Variants in AFAP1L2 observed in about 807,000 individuals in gnomAD.
AFAP1L2 encodes the protein actin filament-associated protein 1-like 2.
Under a neutral mutation model 99.3 loss-of-function variants are expected in AFAP1L2, and 46 were observed. That is an observed-to-expected ratio of 0.46 (90% CI 0.37 to 0.59). AFAP1L2 has a LOEUF of 0.59. Ranked by LOEUF, AFAP1L2 falls within the 20% of genes least tolerant of loss-of-function variation. AFAP1L2 has a pLI of 0.00. For synonymous variants in AFAP1L2, 397 were observed against 419.1 expected (o/e 0.95, Z 0.64); for missense variants, 959 against 1,034.9 (o/e 0.93, Z 1.01).
chr10:114,371,457 G>A (rs559002827), intron 1 of AFAP1L2, among the ~76,000 whole-genome samples: 9 of 152,076 alleles, frequency 5.9e-5, no homozygotes, highest in East Asian at 5.8e-4. Context: ...TCAGTCCCCC[G>A]CGAAAAAAAG....
the AFAP1L2 span, chr10:114,289,634 T>C: frequency 1.6e-5 from 14 of 875,284 alleles, no homozygotes; most frequent in South Asian, 2.1e-4. Context: ...CTAAACCCCA[T>C]GCTCACATAA....
At chr10:114,404,630 C>A, upstream of AFAP1L2, 1 of 890,598 alleles carries the variant, frequency 1.1e-6, no homozygotes. Context: ...CAGGGCTCGC[C>A]CCCAGCGCCC....
chr10:114,306,592 T>A (rs985448653), intron 10 of AFAP1L2, among the ~76,000 whole-genome samples: 3 of 151,910 alleles, frequency 2.0e-5, no homozygotes, highest in South Asian at 2.1e-4. Context: ...CCAAGCCACA[T>A]TAACACAAAG....
At chr10:114,362,906 G>T in intron 1 of AFAP1L2, 2 of 957,732 alleles carry the variant, frequency 2.1e-6, no homozygotes, top group Non-Finnish European at 2.5e-6. Flanking sequence ...GCTGAAACAA[G>T]GCCCTCCATC....
At chr10:114,386,567 A>AGAGATGGTGCTAGAAGTTAGGAGAGGT (rs2056528290) in intron 1 of AFAP1L2, among the ~76,000 whole-genome samples, 1 of 152,226 alleles carries the variant, frequency 6.6e-6, no homozygotes, top group East Asian at 1.9e-4. Context: ...TTCCCCCGGC[A>AGAGATGGTGCTAGAAGTTAGGAGAGGT]GAGATGGTGC....
At chr10:114,341,971 G>A (rs1375801835) in intron 1 of AFAP1L2, among the ~76,000 whole-genome samples, 1 of 152,206 alleles carries the variant, frequency 6.6e-6, no homozygotes, top group African/African-American at 2.4e-5. Context: ...AGAACAGTAA[G>A]GAAAGGAAAA....
intron 1 of AFAP1L2, 122 bp downstream of exon 1, chr10:114,404,318 C>G: frequency 8.6e-7 from 1 of 1,166,688 alleles, no homozygotes; most frequent in Non-Finnish European, 1.2e-6. Context: ...CAGGTCCGGG[C>G]TGGGTGGGGG....
intron 1 of AFAP1L2, among the ~76,000 whole-genome samples, chr10:114,379,453 G>T (rs1303504240): frequency 1.3e-5 from 2 of 152,064 alleles, no homozygotes; most frequent in African/African-American, 4.8e-5. Context: ...ATTTTCCCAT[G>T]ATAAAAAATA....
chr10:114,311,302 G>A (rs966297528), intron 7 of AFAP1L2, among the ~76,000 whole-genome samples: 2 of 152,138 alleles, frequency 1.3e-5, no homozygotes, highest in African/African-American at 2.4e-5. Context: ...GAACTCCCAG[G>A]GCGACCAGAA....
At chr10:114,282,443 T>C in the AFAP1L2 span, 11 of 1,224,928 alleles carry the variant, frequency 9.0e-6, no homozygotes, top group Non-Finnish European at 1.3e-5. Context: ...TTTGGTGTTG[T>C]AAATCATCTT....
At chr10:114,355,374 A>G (rs2051201148) in intron 1 of AFAP1L2, among the ~76,000 whole-genome samples, 2 of 151,404 alleles carry the variant, frequency 1.3e-5, no homozygotes, top group South Asian at 4.2e-4. Flanking sequence ...CTGTGATTAT[A>G]GGCGTGAGCC....
chr10:114,340,672 G>C lies in AFAP1L2; in HGVS notation c.76C>G (p.Leu26Val). 1.2e-6 allele frequency: 2 copies of C among 1,614,212 alleles called. No individual in the cohort carries two copies. Among genetic ancestry groups the C allele is most frequent in the Non-Finnish European group, 1.7e-6 (2 of 1,180,040 alleles). ...TTCTTCACCAGTGCTGTGCTGCTCA[G>C]GTTCTCCTGGTCAAGAATCTTGAGG... is the stretch of plus-strand genomic sequence containing the variant. ...DFLKILDQEN[L>V]SSTALVKKSC... The change falls in exon 2 of 19, where the codon CTG (leucine) becomes GTG (valine). Residue 26 changes from leucine (L) to valine (V), a missense_variant. Coordinates refer to ENST00000304129, the MANE Select transcript of AFAP1L2 (RefSeq NM_001001936.3).
intron 1 of AFAP1L2, among the ~76,000 whole-genome samples, chr10:114,371,577 C>T (rs1434374490): frequency 6.6e-6 from 1 of 151,764 alleles, no homozygotes; most frequent in Non-Finnish European, 1.5e-5. Context: ...AACCAAACAC[C>T]GCATGTTCTC....
chr10:114,390,678 G>A (rs1039901304), intron 1 of AFAP1L2, among the ~76,000 whole-genome samples: 2 of 138,656 alleles, frequency 1.4e-5, no homozygotes, highest in African/African-American at 2.8e-5. Context: ...CCGAGATCAC[G>A]CCACTGTACT....
At chr10:114,404,340 G>T in intron 1 of AFAP1L2, 100 bp downstream of exon 1, 1 of 1,346,342 alleles carries the variant, frequency 7.4e-7, no homozygotes, top group Non-Finnish European at 1.0e-6. Flanking sequence ...AGTGGGCTCT[G>T]CTTATCCCGA....
At chr10:114,287,229 G>A in the AFAP1L2 span, among the ~76,000 whole-genome samples, 3 of 152,128 alleles carry the variant, frequency 2.0e-5, no homozygotes, top group Admixed American at 6.5e-5. Flanking sequence ...TACCCAGGCT[G>A]GAATGCAGTG....
rs552209753 is a variant in AFAP1L2, at chr10:114,300,179, C to G, written c.1957+15G>C. Reference sequence around the variant, plus strand: ...ATACAGATGGAATCGGGCTAACTTCCCCAAGCACAAGTACCTGCACTGGTC... The same window carrying G: ...ATACAGATGGAATCGGGCTAACTTCGCCAAGCACAAGTACCTGCACTGGTC... On this transcript the variant is annotated intron_variant, in intron 15 of 18. Transcript: ENST00000304129. 1 of 1,614,140 alleles carries G rather than the reference C, an allele frequency of 6.2e-7. No homozygotes were observed. Among genetic ancestry groups the G allele is most frequent in the Admixed American group, 1.7e-5 (1 of 60,018 alleles).
At chr10:114,393,939 G>T (rs1006511714) in intron 1 of AFAP1L2, among the ~76,000 whole-genome samples, 2 of 152,226 alleles carry the variant, frequency 1.3e-5, no homozygotes, top group Non-Finnish European at 2.9e-5. Context: ...TGCTCCCCCT[G>T]GGAGGACACC....
chr10:114,296,262 C>A (rs1341048639), intron 18 of AFAP1L2, 194 bp from the exon 19 acceptor site: 10 of 673,884 alleles, frequency 1.5e-5, no homozygotes, highest in Middle Eastern at 3.6e-4. Context: ...TGTGGCACAA[C>A]AGCGAGTGCC....
Sources: allele counts gnomAD v4.1 joint callset (sites outside exome capture counted in the v4.1 genomes callset), GRCh38; gene constraint gnomAD v4.1.1; transcripts MANE v1.5; gene names NCBI Gene and HGNC (gene_info 2026-07-23, HGNC 2026-07-21).